The following NCAM2 variants were observed in gnomAD, a reference collection of about 807,000 sequenced individuals.
The protein encoded by NCAM2 is N-CAM-2.
NCAM2 carries 30 observed loss-of-function variants against 98.1 expected under a neutral mutation model. The ratio of observed to expected loss-of-function variants is 0.31; its 90% CI spans 0.23 to 0.41. The LOEUF (loss-of-function observed/expected upper bound fraction) is 0.41. Ranked by LOEUF, NCAM2 falls within the 10% of genes least tolerant of loss-of-function variation. The probability of loss-of-function intolerance (pLI) is 1.00; values close to 1 mark genes in which losing one functional copy is unlikely to be tolerated. For synonymous variants in NCAM2, 368 were observed against 342.4 expected (o/e 1.07, Z -0.83); for missense variants, 867 against 1,005.8 (o/e 0.86, Z 1.87).
At chr21:21,278,558 T>A (rs2147480493) in intron 1 of NCAM2, among the ~76,000 whole-genome samples, 1 of 152,304 alleles carries the variant, frequency 6.6e-6, no homozygotes, top group East Asian at 1.9e-4. Context: ...ACTTTTATTT[T>A]TCTTTCTGAA....
chr21:21,282,661 T>G (rs940044790), intron 2 of NCAM2, among the ~76,000 whole-genome samples: 2 of 151,682 alleles, frequency 1.3e-5, no homozygotes, highest in African/African-American at 4.8e-5. Context: ...ATATCTTAAA[T>G]TTAAACTAGA....
intron 9 of NCAM2, among the ~76,000 whole-genome samples, chr21:21,375,738 C>G (rs2076019090): frequency 6.7e-6 from 1 of 150,098 alleles, no homozygotes; most frequent in Admixed American, 6.7e-5. Flanking sequence ...AAATGTGAAT[C>G]TAAATGAAGA....
At chr21:21,277,315 A>T (rs1229071115) in intron 1 of NCAM2, among the ~76,000 whole-genome samples, 1 of 152,162 alleles carries the variant, frequency 6.6e-6, no homozygotes, top group African/African-American at 2.4e-5. Flanking sequence ...TTTATATTTA[A>T]ATAAGGTAGA....
At chr21:21,520,056 G>T (rs1010791138) in intron 16 of NCAM2, among the ~76,000 whole-genome samples, 2 of 151,804 alleles carry the variant, frequency 1.3e-5, no homozygotes, top group African/African-American at 2.4e-5. Context: ...ACATTCTCAA[G>T]GGTTTTTCTT....
chr21:21,398,832 GACAC>G (rs2076570084), intron 9 of NCAM2, among the ~76,000 whole-genome samples: 3 of 152,116 alleles, frequency 2.0e-5, no homozygotes, highest in African/African-American at 7.2e-5. Context: ...TTTTAAAATT[GACAC>G]CCTATTATAA....
At chr21:21,111,406 A>T (rs965114524) in intron 1 of NCAM2, among the ~76,000 whole-genome samples, 1 of 152,196 alleles carries the variant, frequency 6.6e-6, no homozygotes. Context: ...GGTTGGCAGA[A>T]GTGATATCAG....
At chr21:21,478,587 T>A (rs1985459140) in intron 15 of NCAM2, among the ~76,000 whole-genome samples, 1 of 152,010 alleles carries the variant, frequency 6.6e-6, no homozygotes, top group South Asian at 2.1e-4. Flanking sequence ...GTATTGGTTA[T>A]AAGGTTTAAA....
chr21:21,121,008 G>T (rs1009047598), intron 1 of NCAM2, among the ~76,000 whole-genome samples: 2 of 152,188 alleles, frequency 1.3e-5, no homozygotes, highest in East Asian at 1.9e-4. Context: ...GAGCCACCGC[G>T]CCCGGCCATG....
chr21:21,271,011 G>C (rs2072478527), intron 1 of NCAM2, among the ~76,000 whole-genome samples: 1 of 151,326 alleles, frequency 6.6e-6, no homozygotes, highest in Non-Finnish European at 1.5e-5. Context: ...ACATCAATTA[G>C]TTTTTCAGTA....
intron 1 of NCAM2, among the ~76,000 whole-genome samples, chr21:21,066,402 G>GT (rs2065437713): frequency 6.6e-6 from 1 of 151,690 alleles, no homozygotes; most frequent in African/African-American, 2.4e-5. Flanking sequence ...TCTAAATGCA[G>GT]TTTTTTATAA....
intron 13 of NCAM2, 149 bp from the exon 14 acceptor site, chr21:21,468,511 CAG>C: frequency 1.4e-6 from 1 of 710,506 alleles, no homozygotes; most frequent in Non-Finnish European, 2.1e-6. Context: ...GGAAAATGTT[CAG>C]AAATTATATC....
chr21:21,534,876 A>G (rs1026393151), intron 17 of NCAM2, among the ~76,000 whole-genome samples: 1 of 152,154 alleles, frequency 6.6e-6, no homozygotes, highest in Non-Finnish European at 1.5e-5. Context: ...GTTAAACCAT[A>G]TATCTGTAAT....
intron 6 of NCAM2, among the ~76,000 whole-genome samples, chr21:21,331,890 T>A (rs1382850919): frequency 2.9e-5 from 4 of 138,550 alleles, no homozygotes; most frequent in Admixed American, 1.5e-4. Context: ...CCTGGCCGTA[T>A]CCTGGGAATT....
intron 1 of NCAM2, among the ~76,000 whole-genome samples, chr21:21,242,585 G>T (rs971651849): frequency 2.0e-5 from 3 of 152,076 alleles, no homozygotes; most frequent in African/African-American, 7.2e-5. Flanking sequence ...GTGAGATCCT[G>T]CCGAAGTAGT....
At chr21:21,051,782 G>A (rs1049630874) in intron 1 of NCAM2, among the ~76,000 whole-genome samples, 2 of 152,124 alleles carry the variant, frequency 1.3e-5, no homozygotes, top group African/African-American at 4.8e-5. Flanking sequence ...TCATACAATT[G>A]TAGGAACTTC....
chr21:21,186,157 A>T (rs2068634721), intron 1 of NCAM2, among the ~76,000 whole-genome samples: 1 of 152,198 alleles, frequency 6.6e-6, no homozygotes, highest in African/African-American at 2.4e-5. Flanking sequence ...TAGTCCCATT[A>T]TAAAGAGAAG....
intron 1 of NCAM2, among the ~76,000 whole-genome samples, chr21:21,214,105 G>T (rs1235623386): frequency 6.6e-6 from 1 of 152,124 alleles, no homozygotes; most frequent in East Asian, 1.9e-4. Flanking sequence ...TTCTCTGAAT[G>T]AATTTCACTC....
Position 21,468,905 on chromosome 21 carries a change from C to T in NCAM2, c.1896+122C>T, listed in dbSNP as rs934056256. On this transcript the variant is annotated intron_variant, in intron 14 of 17. Coordinates refer to ENST00000400546, the MANE Select transcript of NCAM2 (RefSeq NM_004540.5). Reference sequence around the variant, plus strand: ...AGTAATTGTGGTAATAAATGCTAATCTTCCTTCCATTCCTGACAGTCATCA... The same window carrying T: ...AGTAATTGTGGTAATAAATGCTAATTTTCCTTCCATTCCTGACAGTCATCA... The T allele has an allele frequency of 1.4e-5, 12 of 871,568 alleles. No homozygotes were observed. The African/African-American group carries it at 1.7e-4, about 13-fold the overall frequency. 54.0% of individuals were successfully genotyped at this position (871,568 alleles called of 1,614,324 possible).
At chr21:21,066,437 T>C (rs1174262802) in intron 1 of NCAM2, among the ~76,000 whole-genome samples, 2 of 152,016 alleles carry the variant, frequency 1.3e-5, no homozygotes, top group African/African-American at 4.8e-5. Flanking sequence ...CACACAGATA[T>C]ACACCTTTAA....
Sources: gnomAD v4.1 joint callset for allele counts (sites outside exome capture counted in the v4.1 genomes callset) on GRCh38, gnomAD v4.1.1 for gene constraint, MANE v1.5 for transcripts, NCBI Gene and HGNC (gene_info 2026-07-23, HGNC 2026-07-21) for gene names.